Variants in CRACDL observed in about 807,000 individuals in gnomAD.
CRACDL encodes CRACD like.
In CRACDL, 26 loss-of-function variants were observed where a neutral mutation model predicts 70.6. That is an observed-to-expected ratio of 0.37 (90% CI 0.27 to 0.51). The LOEUF (loss-of-function observed/expected upper bound fraction) is 0.51, where lower values mean the gene tolerates loss of function less well. Among genes scored for constraint, CRACDL ranks in the 20% least tolerant of loss-of-function variants. The pLI, the probability that CRACDL is intolerant of heterozygous loss-of-function variation, is 0.94. For synonymous variants in CRACDL, 618 were observed against 615.2 expected (o/e 1.00, Z -0.07); for missense variants, 1,283 against 1,376.9 (o/e 0.93, Z 1.08).
intron 3 of CRACDL, among the ~76,000 whole-genome samples, chr2:98,835,958 A>C (rs1476263172): frequency 6.6e-6 from 1 of 152,214 alleles, no homozygotes; most frequent in Non-Finnish European, 1.5e-5. Context: ...TGTGACAACA[A>C]CCAGCACCTG....
intron 1 of CRACDL, among the ~76,000 whole-genome samples, chr2:98,915,332 C>T (rs2104683300): frequency 6.6e-6 from 1 of 152,330 alleles, no homozygotes; most frequent in East Asian, 1.9e-4. Context: ...CTGACCGGAG[C>T]AGGTATCATA....
chr2:98,826,436 T>C (rs1342379456), intron 6 of CRACDL, among the ~76,000 whole-genome samples: 2 of 152,210 alleles, frequency 1.3e-5, no homozygotes, highest in African/African-American at 4.8e-5. Flanking sequence ...AGACTGGCAA[T>C]AAGAGCACAT....
At chr2:98,850,909 C>G (rs1706456156) in intron 1 of CRACDL, among the ~76,000 whole-genome samples, 1 of 152,158 alleles carries the variant, frequency 6.6e-6, no homozygotes, top group Non-Finnish European at 1.5e-5. Flanking sequence ...AATATTTCTA[C>G]AAAAGTTAAT....
rs1232574176 is a variant in CRACDL at position 98,823,562 on chromosome 2, A to G, written c.736-25T>C. 1.3e-6 allele frequency: 2 copies of G among 1,542,666 alleles called. No individual in the cohort carries two copies. The highest frequency in any genetic ancestry group is 8.7e-7 in the Non-Finnish European group (1 of 1,150,830). On this transcript the variant is annotated intron_variant, in intron 6 of 9. Transcript: ENST00000397899. This position sits in a 1 kb window ranked among gnomAD's most constrained non-coding sequence, Gnocchi z 4.0. Reference sequence around the variant, plus strand: ...GCTGAGAGAAATAAAGATAAAAAGCATCGTCGCTATAGCCAATTCCAGGAA... The same window carrying G: ...GCTGAGAGAAATAAAGATAAAAAGCGTCGTCGCTATAGCCAATTCCAGGAA...
intron 1 of CRACDL, among the ~76,000 whole-genome samples, chr2:98,911,426 G>C (rs1708545529): frequency 6.6e-6 from 1 of 152,186 alleles, no homozygotes; most frequent in Non-Finnish European, 1.5e-5. Context: ...ATTACATCAG[G>C]CTCCGCAGGG....
chr2:98,860,318 C>A (rs767900877), intron 1 of CRACDL, among the ~76,000 whole-genome samples: 2 of 152,146 alleles, frequency 1.3e-5, no homozygotes, highest in Middle Eastern at 3.2e-3. Flanking sequence ...TGTGGAAATG[C>A]AAGGGACCTT....
intron 7 of CRACDL, among the ~76,000 whole-genome samples, chr2:98,816,220 C>T (rs963609760): frequency 2.6e-5 from 4 of 152,198 alleles, no homozygotes; most frequent in African/African-American, 9.7e-5. Context: ...CTCCTCTTAC[C>T]TACCTTTCAG....
chr2:98,841,776 G>A (rs1706036236), intron 2 of CRACDL, among the ~76,000 whole-genome samples: 1 of 152,156 alleles, frequency 6.6e-6, no homozygotes, highest in Admixed American at 6.5e-5. Flanking sequence ...TGGTGCAAAA[G>A]TAATTGCAGC....
At chr2:98,846,847 G>A (rs1706276869) in intron 1 of CRACDL, 37 bp from the exon 2 acceptor site, 1 of 1,527,308 alleles carries the variant, frequency 6.5e-7, no homozygotes, top group Non-Finnish European at 9.1e-7. Context: ...AAGAAACATG[G>A]TTAGCAGAAG....
At chr2:98,924,847 T>C (rs1456394497) in intron 1 of CRACDL, among the ~76,000 whole-genome samples, 1 of 152,252 alleles carries the variant, frequency 6.6e-6, no homozygotes, top group Admixed American at 6.5e-5. Context: ...ATAATAAAAA[T>C]GTTGTTTCCA....
intron 8 of CRACDL, 126 bp from the exon 9 acceptor site, chr2:98,796,390 G>C: frequency 1.1e-6 from 1 of 925,386 alleles, no homozygotes; most frequent in Non-Finnish European, 1.7e-6. Flanking sequence ...TTTCTCGGGA[G>C]GGCGCCCTGG....
At chr2:98,860,928 AACAG>A (rs1160865217) in intron 1 of CRACDL, among the ~76,000 whole-genome samples, 1 of 152,252 alleles carries the variant, frequency 6.6e-6, no homozygotes, top group African/African-American at 2.4e-5. Context: ...CCCATTTAAA[AACAG>A]ACAAAGGATT....
rs752763483 is a variant in CRACDL at position 98,846,749 on chromosome 2, G to A, written c.52C>T (p.Leu18Phe). Residue 18 changes from leucine to phenylalanine, a missense_variant, in exon 2 of 10, where the codon CTT (leucine) becomes TTT (phenylalanine). Transcript: ENST00000397899. The stretch of plus-strand genomic sequence containing the variant: ...GCCTTACCTGTGCTGTCCTCCCCAA[G>A]GCCTTCTGCAGCCTCCCGAAGCTTA... ...DIKLREAAEG[L>F]GEDSTGKKKS... 3.7e-6 allele frequency: 6 copies of A among 1,614,024 alleles called. No homozygotes were observed. The African/African-American group carries it at 5.3e-5, about 14-fold the overall frequency.
At chr2:98,868,027 C>G (rs1707212067) in intron 1 of CRACDL, among the ~76,000 whole-genome samples, 1 of 152,222 alleles carries the variant, frequency 6.6e-6, no homozygotes, top group African/African-American at 2.4e-5. Flanking sequence ...CATCACCACT[C>G]TATCCTGGCC....
At chr2:98,888,295 AGAC>A (rs1707849440) in intron 1 of CRACDL, among the ~76,000 whole-genome samples, 1 of 152,274 alleles carries the variant, frequency 6.6e-6, no homozygotes, top group African/African-American at 2.4e-5. Context: ...CTAATTTAAA[AGAC>A]GACTGTGGAA....
At chr2:98,868,563 T>C (rs972751047) in intron 1 of CRACDL, among the ~76,000 whole-genome samples, 1 of 152,300 alleles carries the variant, frequency 6.6e-6, no homozygotes, top group Non-Finnish European at 1.5e-5. Context: ...GATGTCTCTG[T>C]GTAGGGCCCC....
In CRACDL at chr2:98,823,874, T is replaced by C. The variant is rs1462269011; in HGVS notation, c.736-337A>G. 6.6e-6 allele frequency among the ~76,000 whole-genome samples: 1 copy of C among 152,214 alleles called. No individual in the cohort carries two copies. The highest frequency in any genetic ancestry group is 2.4e-5 in the African/African-American group (1 of 41,452). ...ATGCTCTGTGCTCCCACACTTGTTATTTCATTTAATCTTCCATTCATCCCA... is the reference window on the plus strand; with the variant it reads ...ATGCTCTGTGCTCCCACACTTGTTACTTCATTTAATCTTCCATTCATCCCA... On this transcript the variant is annotated intron_variant, in intron 6 of 9. Transcript: ENST00000397899. This position sits in a 1 kb window ranked among gnomAD's most constrained non-coding sequence, Gnocchi z 4.0.
At chr2:98,890,084 C>T (rs372488754) in intron 1 of CRACDL, among the ~76,000 whole-genome samples, 254 of 152,218 alleles carry the variant, frequency 1.7e-3, no homozygotes, top group Middle Eastern at 6.8e-3. Context: ...ATTACCTAAA[C>T]TTCCACTTTG....
Position 98,833,700 on chromosome 2 carries a change from A to C in CRACDL, c.240-703T>G, listed in dbSNP as rs1705646793. Among the ~76,000 whole-genome samples the C allele has an allele frequency of 2.0e-5, 3 of 152,348 alleles. No individual in the cohort carries two copies. In the South Asian group the frequency reaches 6.2e-4, roughly 32 times the overall value. ...CCCAGGACATTCACAAAATGTCCTA[A>C]AAGGATGTGGGAATTAGCTGTCAAG... On this transcript the variant is annotated intron_variant, in intron 3 of 9. Transcript: ENST00000397899.
Sources: gnomAD v4.1 joint callset for allele counts (sites outside exome capture counted in the v4.1 genomes callset) on GRCh38, gnomAD v4.1.1 for gene constraint, Gnocchi (gnomAD v3.1) non-coding constraint, MANE v1.5 for transcripts, NCBI Gene and HGNC (gene_info 2026-07-23, HGNC 2026-07-21) for gene names.